The following RFTN1 variants were observed in gnomAD, a reference collection of about 807,000 sequenced individuals.
RFTN1 encodes raftlin.
In RFTN1, 26 loss-of-function variants were observed where a neutral mutation model predicts 46.5. The ratio of observed to expected loss-of-function variants is 0.56; its 90% CI spans 0.41 to 0.78. The LOEUF is 0.78. Among genes scored for constraint, RFTN1 ranks in the 30% least tolerant of loss-of-function variants. The pLI is 0.00. For missense variants in RFTN1, 693 were observed against 718.7 expected (o/e 0.96, Z 0.41); for synonymous variants, 261 against 284.2 (o/e 0.92, Z 0.82).
rs1426466851 is a variant in RFTN1 at position 16,480,227 on chromosome 3, GTGTC to G, written c.145+13494_145+13497del. Among the ~76,000 whole-genome samples the G allele has an allele frequency of 2.0e-5, 3 of 152,194 alleles. No individual in the cohort carries two copies. The highest frequency in any genetic ancestry group is 2.9e-5 in the Non-Finnish European group (2 of 68,038). On this transcript the variant is annotated intron_variant, in intron 2 of 9. Transcript: ENST00000334133. This position sits in a 1 kb window ranked among gnomAD's most constrained non-coding sequence, Gnocchi z 4.3. ...GGGAATATATTATTATACCTATCTT[GTGTC>G]AAAGCAACATGCATTCCTTATAGTG...
Position 16,465,141 on chromosome 3 carries a change from T to TG in RFTN1, c.145+28583dup, listed in dbSNP as rs1168222448. On this transcript the variant is annotated intron_variant, in intron 2 of 9. Transcript: ENST00000334133. The surrounding 1 kb of genome is among the most constrained non-coding windows in gnomAD (Gnocchi z 5.1). ...AGGGTCTTTCTATTTTTGGAATATT[T>TG]GGGGAATTTTGGCAGTCACCTTGGA... Among the ~76,000 whole-genome samples, 1 of 151,958 alleles carries TG rather than the reference T, an allele frequency of 6.6e-6. No homozygotes were observed. Among genetic ancestry groups the TG allele is most frequent in the African/African-American group, 2.4e-5 (1 of 41,356 alleles).
intron 4 of RFTN1, among the ~76,000 whole-genome samples, chr3:16,388,180 T>G (rs1011386574): frequency 1.3e-5 from 2 of 152,220 alleles, no homozygotes; most frequent in Non-Finnish European, 2.9e-5. Flanking sequence ...TCAGGGGGCC[T>G]CAGCACTTTG....
chr3:16,410,561 G>A lies in RFTN1; in HGVS notation c.333-1078C>T, dbSNP rs1345814890. 4.0e-5 allele frequency among the ~76,000 whole-genome samples: 6 copies of A among 151,780 alleles called. No homozygotes were observed. Among genetic ancestry groups the A allele is most frequent in the African/African-American group, 1.5e-4 (6 of 41,108 alleles). ...TTTAAAAGGGTTCAACCCCTTTAGA[G>A]GGCAATCTGGCAAAATCTATGGAAA... On this transcript the variant is annotated intron_variant, in intron 3 of 9. Transcript: ENST00000334133. This position sits in a 1 kb window ranked among gnomAD's most constrained non-coding sequence, Gnocchi z 4.6.
intron 6 of RFTN1, among the ~76,000 whole-genome samples, chr3:16,366,539 G>T (rs2073186224): frequency 1.3e-5 from 2 of 152,202 alleles, no homozygotes; most frequent in Non-Finnish European, 2.9e-5. Context: ...AAGTCCCGCT[G>T]GGGGCCACAA....
chr3:16,378,068 A>C lies in RFTN1; in HGVS notation c.476T>G (p.Val159Gly), dbSNP rs747775969. 2.5e-6 allele frequency: 4 copies of C among 1,611,640 alleles called. No homozygotes were observed. Among genetic ancestry groups the C allele is most frequent in the Non-Finnish European group, 3.4e-6 (4 of 1,177,864 alleles). Residue 159 changes from valine (V) to glycine (G), a missense_variant, in exon 5 of 10, where the codon GTT becomes GGT. Coordinates refer to ENST00000334133, the MANE Select transcript of RFTN1 (RefSeq NM_015150.2). ...QEAASQGLKF[V>G]GVIPQYHSSV... is the part of the protein sequence containing the mutation. ...GGAATGGTACTGAGGTATAACACCA[A>C]CGAATTTCAGGCCCTGGCTTGCAGC...
rs1357194592 is a variant in RFTN1 at position 16,317,070 on chromosome 3, G to C, written c.1495C>G (p.Gln499Glu). The change falls in exon 10 of 10, where the codon CAG becomes GAG. Residue 499 changes from glutamine to glutamate, a missense_variant. By Grantham distance (29) the Gln-to-Glu change is conservative. Coordinates refer to ENST00000334133, the MANE Select transcript of RFTN1 (RefSeq NM_015150.2). The surrounding 1 kb of genome is among the most constrained non-coding windows in gnomAD (Gnocchi z 4.3). The stretch of plus-strand genomic sequence containing the variant: ...TCCTCGGAGACTCCACCCTCCTGCT[G>C]CTGTCCTGAAACACAGTTTCCCATG... Reference protein sequence around the residue: ...GDMGNCVSGQQQEGGVSEEMK... With the variant: ...GDMGNCVSGQEQEGGVSEEMK... The C allele has an allele frequency of 8.7e-6, 14 of 1,613,872 alleles. No individual in the cohort carries two copies. Among genetic ancestry groups the C allele is most frequent in the Non-Finnish European group, 1.1e-5 (13 of 1,179,968 alleles).
At chr3:16,349,391 A>C (rs2071942976) in intron 7 of RFTN1, 1 of 152,306 alleles carries the variant, frequency 6.6e-6, no homozygotes, top group African/African-American at 2.4e-5. Context: ...GGGGTACCTG[A>C]GCCTCCAGGG....
At position 16,459,124 on chromosome 3, in the gene RFTN1, G is replaced by A. The variant is rs893292516; in HGVS notation, c.146-25087C>T. ...TTTTTTGTATTTTTTGTAGAGATGA[G>A]GTTTCGCTGTTGCTCAGGCTAGTCT... On this transcript the variant is annotated intron_variant, in intron 2 of 9. Transcript: ENST00000334133. This position sits in a 1 kb window ranked among gnomAD's most constrained non-coding sequence, Gnocchi z 4.2. Among the ~76,000 whole-genome samples the A allele has an allele frequency of 6.6e-6, 1 of 152,060 alleles. No homozygotes were observed. Among genetic ancestry groups the A allele is most frequent in the Non-Finnish European group, 1.5e-5 (1 of 68,004 alleles).
chr3:16,393,012 A>C lies in RFTN1; in HGVS notation c.442-14910T>G, dbSNP rs73041477. Among the ~76,000 whole-genome samples, 963 of 152,306 alleles carry C rather than the reference A, an allele frequency of 6.3e-3. 6 individuals are homozygous for C. The highest frequency in any genetic ancestry group is 0.017 in the Middle Eastern group (5 of 294). On this transcript the variant is annotated intron_variant, in intron 4 of 9. Coordinates refer to ENST00000334133, the MANE Select transcript of RFTN1 (RefSeq NM_015150.2). ...ACAGGCTCTTGCTCTTTCATTCTAT[A>C]AACATTCACTGAGCACATGCTAAAT...
In RFTN1 at chr3:16,380,522, C is replaced by A. The variant is rs2073950452; in HGVS notation, c.442-2420G>T. ...CTTCTCCCACAACAAACCAGACAAC[C>A]ATATTCCTTTGCCATCTTGTACTGC... On this transcript the variant is annotated intron_variant, in intron 4 of 9. Transcript: ENST00000334133. This position sits in a 1 kb window ranked among gnomAD's most constrained non-coding sequence, Gnocchi z 4.8. Among the ~76,000 whole-genome samples, 1 of 152,212 alleles carries A rather than the reference C, an allele frequency of 6.6e-6. No homozygotes were observed. The highest frequency in any genetic ancestry group is 6.5e-5 in the Admixed American group (1 of 15,288).
rs144288205 is a variant in RFTN1, at chr3:16,508,657, CA to C, written c.-9+4784del. Among the ~76,000 whole-genome samples, 1,130 of 151,466 alleles carry C rather than the reference CA, an allele frequency of 7.5e-3. 12 individuals are homozygous for C. Among genetic ancestry groups the C allele is most frequent in the Non-Finnish European group, 8.6e-3 (585 of 67,950 alleles). ...AGAAAAGGGAGATTCAAACGTATGT[CA>C]AAAACTGAATGTGAATGGAAGGAAA... On this transcript the variant is annotated intron_variant, in intron 1 of 9. Transcript: ENST00000334133.
chr3:16,363,367 T>C (rs941942130), intron 6 of RFTN1, among the ~76,000 whole-genome samples: 5 of 152,274 alleles, frequency 3.3e-5, no homozygotes, highest in African/African-American at 9.6e-5. Context: ...CACTGCATTT[T>C]TTATTAAAGC....
rs2071056511 is a variant in RFTN1 at position 16,338,329 on chromosome 3, G to T, written c.1147-11453C>A. On this transcript the variant is annotated intron_variant, in intron 7 of 9. Transcript: ENST00000334133. This position sits in a 1 kb window ranked among gnomAD's most constrained non-coding sequence, Gnocchi z 5.3. ...GATCACAGGGAAGGTAATGAGGCCG[G>T]ACATGCGGCGGCTAAGGGGCGATGG... 6.6e-6 allele frequency among the ~76,000 whole-genome samples: 1 copy of T among 152,258 alleles called. No homozygotes were observed. Among genetic ancestry groups the T allele is most frequent in the African/African-American group, 2.4e-5 (1 of 41,468 alleles).
rs972226102 is a variant in RFTN1, at chr3:16,440,500, T to C, written c.146-6463A>G. ...CAAAGGACAATTCTCTCCTGGCTTC[T>C]CCCCTACCTGGGCAGGGGCAGAGTC... On this transcript the variant is annotated intron_variant, in intron 2 of 9. Coordinates refer to ENST00000334133, the MANE Select transcript of RFTN1 (RefSeq NM_015150.2). The surrounding 1 kb of genome is among the most constrained non-coding windows in gnomAD (Gnocchi z 4.6). Among the ~76,000 whole-genome samples the C allele has an allele frequency of 5.3e-5, 8 of 152,152 alleles. No individual in the cohort carries two copies. Among genetic ancestry groups the C allele is most frequent in the Non-Finnish European group, 1.2e-4 (8 of 68,028 alleles).
chr3:16,371,930 C>T (rs1168905590), intron 5 of RFTN1, among the ~76,000 whole-genome samples: 5 of 152,054 alleles, frequency 3.3e-5, no homozygotes, highest in South Asian at 2.1e-4. Flanking sequence ...AGAGGAGGTT[C>T]GTAATGGAGG....
intron 2 of RFTN1, among the ~76,000 whole-genome samples, chr3:16,444,378 C>G (rs936555527): frequency 2.0e-5 from 3 of 152,276 alleles, no homozygotes; most frequent in East Asian, 1.9e-4. Context: ...ATTATAAAAT[C>G]TTAAGACTTA....
rs1352862952 is a variant in RFTN1, at chr3:16,504,904, A to G, written c.-9+8538T>C. On this transcript the variant is annotated intron_variant, in intron 1 of 9. Transcript: ENST00000334133. The surrounding 1 kb of genome is among the most constrained non-coding windows in gnomAD (Gnocchi z 4.4). ...CCAACAAGCTTGCTCTTCCTCCTGC[A>G]TTTCTCGTCTCTGGGTGGTACCACT... 6.6e-6 allele frequency among the ~76,000 whole-genome samples: 1 copy of G among 152,080 alleles called. No individual in the cohort carries two copies. The highest frequency in any genetic ancestry group is 2.4e-5 in the African/African-American group (1 of 41,402).
At position 16,411,000 on chromosome 3, in the gene RFTN1, T is replaced by C. The variant is rs1045808617; in HGVS notation, c.333-1517A>G. On this transcript the variant is annotated intron_variant, in intron 3 of 9. Coordinates refer to ENST00000334133, the MANE Select transcript of RFTN1 (RefSeq NM_015150.2). The surrounding 1 kb of genome is among the most constrained non-coding windows in gnomAD (Gnocchi z 4.6). ...GGCTGGCAGAACGTGCTGTCTCTTCTAGGTGGCTGGTGGTATTGGGGAGTG... is the reference window on the plus strand; with the variant it reads ...GGCTGGCAGAACGTGCTGTCTCTTCCAGGTGGCTGGTGGTATTGGGGAGTG... Among the ~76,000 whole-genome samples the C allele has an allele frequency of 6.6e-6, 1 of 152,188 alleles. No homozygotes were observed. The highest frequency in any genetic ancestry group is 1.5e-5 in the Non-Finnish European group (1 of 68,032).
chr3:16,424,577 T>C lies in RFTN1; in HGVS notation c.332+9274A>G, dbSNP rs2075254556. Among the ~76,000 whole-genome samples the C allele has an allele frequency of 6.6e-6, 1 of 152,182 alleles. No homozygotes were observed. Among genetic ancestry groups the C allele is most frequent in the African/African-American group, 2.4e-5 (1 of 41,456 alleles). On this transcript the variant is annotated intron_variant, in intron 3 of 9. Coordinates refer to ENST00000334133, the MANE Select transcript of RFTN1 (RefSeq NM_015150.2). This position sits in a 1 kb window ranked among gnomAD's most constrained non-coding sequence, Gnocchi z 4.7. ...GCTGCTAATTTGGTTTTTAAAGTCTTTGTAGCCATTTTAAGTTCCAACTCA... is the reference window on the plus strand; with the variant it reads ...GCTGCTAATTTGGTTTTTAAAGTCTCTGTAGCCATTTTAAGTTCCAACTCA...
Sources: gnomAD v4.1 joint callset for allele counts (sites outside exome capture counted in the v4.1 genomes callset) on GRCh38, gnomAD v4.1.1 for gene constraint, Gnocchi (gnomAD v3.1) non-coding constraint, MANE v1.5 for transcripts, NCBI Gene and HGNC (gene_info 2026-07-23, HGNC 2026-07-21) for gene names.